Variants in IL23R observed in about 807,000 individuals in gnomAD.
IL23R encodes the protein interleukin 23 receptor.
IL23R carries 34 observed loss-of-function variants against 56.9 expected under a neutral mutation model. The observed-to-expected ratio is 0.60, with a 90% CI of 0.45 to 0.80. The LOEUF is 0.80. Ranked by LOEUF, IL23R falls within the 30% of genes least tolerant of loss-of-function variation. The pLI is 0.00. For synonymous variants in IL23R, 230 were observed against 249.2 expected, an observed-to-expected ratio of 0.92 and a Z score of 0.73; for missense variants, 635 against 730.0, an observed-to-expected ratio of 0.87 and a Z score of 1.50.
intron 1 of IL23R, among the ~76,000 whole-genome samples, chr1:67,150,759 T>C (rs1369375339): frequency 6.6e-6 from 1 of 151,762 alleles, no homozygotes; most frequent in Non-Finnish European, 1.5e-5. Flanking sequence ...AAGCTGGATA[T>C]AGAAATTTGA....
Position 67,258,953 on chromosome 1 carries a change from C to T in IL23R, c.1715C>T (p.Thr572Ile), listed in dbSNP as rs1653099066. The T allele has an allele frequency of 1.2e-6, 2 of 1,614,092 alleles. No individual in the cohort carries two copies. Among genetic ancestry groups the T allele is most frequent in the Non-Finnish European group, 1.7e-6 (2 of 1,179,996 alleles). ...CAAAACTCAGTAGAGGAGGAAACCA[C>T]CATGCTTTTGGAAAATGATTCACCC... Reference protein sequence around the residue: ...DIQNSVEEETTMLLENDSPSE... With the variant: ...DIQNSVEEETIMLLENDSPSE... The change falls in exon 11 of 11, where the codon ACC (threonine) becomes ATC (isoleucine). Residue 572 changes from threonine (T) to isoleucine (I), a missense_variant. Coordinates refer to ENST00000347310, the MANE Select transcript of IL23R (RefSeq NM_144701.3).
intron 2 of IL23R, 53 bp from the exon 3 acceptor site, chr1:67,169,289 T>C (rs1026433596): frequency 1.3e-5 from 17 of 1,331,334 alleles, no homozygotes; most frequent in Non-Finnish European, 1.8e-5. Context: ...TTCTTCTGAA[T>C]CTCTTGATTT....
At chr1:67,200,236 G>T (rs1225693756) in intron 4 of IL23R, among the ~76,000 whole-genome samples, 2 of 151,872 alleles carry the variant, frequency 1.3e-5, no homozygotes, top group South Asian at 2.1e-4. Context: ...TAGAGACAGG[G>T]TTTCACCATG....
chr1:67,263,090 GTGTT>G (rs1653239969), downstream of IL23R, among the ~76,000 whole-genome samples: 2 of 144,946 alleles, frequency 1.4e-5, no homozygotes, highest in African/African-American at 2.6e-5. Flanking sequence ...GTGCGTGTGT[GTGTT>G]TAATTGGAAT....
intron 4 of IL23R, among the ~76,000 whole-genome samples, chr1:67,185,904 C>T (rs1647295599): frequency 6.6e-6 from 1 of 152,182 alleles, no homozygotes; most frequent in Admixed American, 6.5e-5. Context: ...ATGTGCATGA[C>T]ATCTTCAATT....
At chr1:67,140,526 T>G (rs1340785132) in intron 1 of IL23R, among the ~76,000 whole-genome samples, 2 of 152,210 alleles carry the variant, frequency 1.3e-5, no homozygotes, top group Non-Finnish European at 2.9e-5. Flanking sequence ...TTTCTTATCA[T>G]CTTGGCAAGC....
intron 7 of IL23R, among the ~76,000 whole-genome samples, chr1:67,228,045 CTTTCTTTCTTTCTTTCTCTG>C (rs1558254185): frequency 4.1e-5 from 4 of 97,826 alleles, no homozygotes; most frequent in African/African-American, 1.8e-4. Context: ...CTTTCTTTCT[CTTTCTTTCTTTCTTTCTCTG>C]TCTCTCTCTT....
chr1:67,169,196 G>T, intron 2 of IL23R, 146 bp from the exon 3 acceptor site: 102 of 454,508 alleles, frequency 2.2e-4, no homozygotes, highest in East Asian at 7.2e-4. Context: ...GCTAGTTTAT[G>T]AAAAGATACA....
chr1:67,200,070 C>T (rs954822455), intron 4 of IL23R, among the ~76,000 whole-genome samples: 5 of 152,196 alleles, frequency 3.3e-5, no homozygotes, highest in South Asian at 2.1e-4. Context: ...GACGGAGTCT[C>T]GCTCTGTCGC....
chr1:67,186,496 C>G (rs1406954509), intron 4 of IL23R, among the ~76,000 whole-genome samples: 1 of 152,100 alleles, frequency 6.6e-6, no homozygotes, highest in Non-Finnish European at 1.5e-5. Flanking sequence ...CCTATTTCCC[C>G]TCAATCTTCC....
chr1:67,139,937 A>G (rs913930947), intron 1 of IL23R, among the ~76,000 whole-genome samples: 5 of 152,100 alleles, frequency 3.3e-5, no homozygotes, highest in African/African-American at 7.2e-5. Context: ...TTATCATGGG[A>G]GTGGGATTGG....
At chr1:67,264,243 G>A (rs1398893886), downstream of IL23R, among the ~76,000 whole-genome samples, 1 of 152,178 alleles carries the variant, frequency 6.6e-6, no homozygotes, top group African/African-American at 2.4e-5. Context: ...TAATTAACTT[G>A]CTTCTCCCAA....
At chr1:67,213,150 G>A (rs1323817192) in intron 6 of IL23R, among the ~76,000 whole-genome samples, 1 of 152,130 alleles carries the variant, frequency 6.6e-6, no homozygotes, top group Non-Finnish European at 1.5e-5. Context: ...GCGAGCCACT[G>A]CGCCCGGCCT....
intron 5 of IL23R, among the ~76,000 whole-genome samples, chr1:67,205,889 TTCTTTCTTTC>T (rs1363823569): frequency 8.9e-6 from 1 of 111,784 alleles, no homozygotes; most frequent in African/African-American, 3.0e-5. Flanking sequence ...CTTTCTTTCT[TTCTTTCTTTC>T]TTTCTTTCTT....
intron 1 of IL23R, among the ~76,000 whole-genome samples, chr1:67,166,823 A>G (rs1284493118): frequency 6.6e-6 from 1 of 152,132 alleles, no homozygotes; most frequent in Non-Finnish European, 1.5e-5. Context: ...GGATCCCTAT[A>G]TTTCTGAGCC....
At chr1:67,165,577 A>G (rs1646865262), upstream of IL23R, among the ~76,000 whole-genome samples, 1 of 152,190 alleles carries the variant, frequency 6.6e-6, no homozygotes, top group African/African-American at 2.4e-5. Context: ...TTAAGTGCCT[A>G]TCAGTGGAAT....
intron 6 of IL23R, chr1:67,207,585 G>A (rs1030611987): frequency 1.1e-5 from 4 of 367,806 alleles, no homozygotes; most frequent in Admixed American, 3.2e-5. Context: ...GATCTGATGC[G>A]TTTATCAGAG....
intron 7 of IL23R, among the ~76,000 whole-genome samples, chr1:67,228,021 CCTTTCTTT>C (rs1165035483): frequency 6.3e-5 from 2 of 31,706 alleles, no homozygotes; most frequent in East Asian, 8.6e-4. Context: ...TTTCTTTCTT[CCTTTCTTT>C]CTTTTCTTTC....
At chr1:67,213,930 C>G (rs1451379989) in intron 6 of IL23R, among the ~76,000 whole-genome samples, 1 of 152,242 alleles carries the variant, frequency 6.6e-6, no homozygotes, top group Non-Finnish European at 1.5e-5. Context: ...ATTTACCTCT[C>G]TCCCTTCTGA....
Sources: gnomAD v4.1 joint callset for allele counts (sites outside exome capture counted in the v4.1 genomes callset) on GRCh38, gnomAD v4.1.1 for gene constraint, MANE v1.5 for transcripts, NCBI Gene and HGNC (gene_info 2026-07-23, HGNC 2026-07-21) for gene names.